DNAJB6: variants seen among roughly 807,000 people sequenced by gnomAD.
DNAJB6 encodes dnaJ homolog subfamily B member 6.
DNAJB6 carries 16 observed loss-of-function variants against 42.7 expected under a neutral mutation model. The observed-to-expected ratio is 0.37, with a 90% CI of 0.25 to 0.57. The LOEUF (loss-of-function observed/expected upper bound fraction) is 0.57, where lower values mean the gene tolerates loss of function less well. Among genes scored for constraint, DNAJB6 ranks in the 20% least tolerant of loss-of-function variants. The pLI is 0.74. For synonymous variants in DNAJB6, 170 were observed against 163.5 expected, an observed-to-expected ratio of 1.04 and a Z score of -0.30; for missense variants, 347 against 416.8, an observed-to-expected ratio of 0.83 and a Z score of 1.46.
chr7:157,342,099 C>G (rs542379369), intron 1 of DNAJB6, among the ~76,000 whole-genome samples: 3 of 152,198 alleles, frequency 2.0e-5, no homozygotes, highest in South Asian at 4.2e-4. Context: ...AGCAGGTGAT[C>G]CACCTGCTTT....
intron 8 of DNAJB6, among the ~76,000 whole-genome samples, chr7:157,393,140 A>T (rs1282906658): frequency 6.6e-6 from 1 of 151,692 alleles, no homozygotes; most frequent in Admixed American, 6.6e-5. Context: ...CCCCTGGCTA[A>T]TTTTTTTGTA....
At chr7:157,350,703 T>TA (rs1798926587) in intron 1 of DNAJB6, among the ~76,000 whole-genome samples, 1 of 151,756 alleles carries the variant, frequency 6.6e-6, no homozygotes, top group Non-Finnish European at 1.5e-5. Context: ...TTTTTATTTT[T>TA]TTTTGAGATG....
chr7:157,343,074 C>T (rs913848319), intron 1 of DNAJB6, among the ~76,000 whole-genome samples: 3 of 151,778 alleles, frequency 2.0e-5, no homozygotes, highest in South Asian at 2.1e-4. Context: ...TCACTGCAAC[C>T]TTTGCCTCCC....
intron 8 of DNAJB6, among the ~76,000 whole-genome samples, chr7:157,406,313 A>G (rs987061086): frequency 1.3e-5 from 2 of 152,190 alleles, no homozygotes; most frequent in East Asian, 1.9e-4. Context: ...CTCCACCTTC[A>G]TCTTCTTTCC....
chr7:157,347,878 C>CTCTGCCTCCCGGGCTCAAGCGATTCT (rs1366082990), intron 1 of DNAJB6, among the ~76,000 whole-genome samples: 17 of 152,206 alleles, frequency 1.1e-4, no homozygotes, highest in African/African-American at 3.9e-4. Context: ...TTACTCCAAC[C>CTCTGCCTCCCGGGCTCAAGCGATTCT]TCTGCCTCCC....
chr7:157,370,181 C>CAGGCCCCTTCTTAACATTATTATTAAAG (rs1800120798), intron 5 of DNAJB6, among the ~76,000 whole-genome samples: 3 of 144,658 alleles, frequency 2.1e-5, no homozygotes, highest in South Asian at 2.2e-4. Context: ...TATTATTAAA[C>CAGGCCCCTTCTTAACATTATTATTAAAG]AGGCCCCTTC....
At chr7:157,346,316 T>TAAAGAAA (rs1798683275) in intron 1 of DNAJB6, among the ~76,000 whole-genome samples, 1 of 117,732 alleles carries the variant, frequency 8.5e-6, no homozygotes. Flanking sequence ...CAAGGAGTAG[T>TAAAGAAA]AAAAAAAAAA....
chr7:157,360,058 G>T (rs547600933), intron 2 of DNAJB6, among the ~76,000 whole-genome samples: 1 of 152,326 alleles, frequency 6.6e-6, no homozygotes, highest in African/African-American at 2.4e-5. Flanking sequence ...AGACAGTTGG[G>T]AATACCTTAC....
chr7:157,340,498 C>T (rs1048924889), intron 1 of DNAJB6, among the ~76,000 whole-genome samples: 3 of 151,456 alleles, frequency 2.0e-5, no homozygotes, highest in Middle Eastern at 3.2e-3. Context: ...AAAACGACAA[C>T]GCCTACCTGC....
At position 157,357,252 on chromosome 7, in the gene DNAJB6, T is replaced by TTCCTTCCTTCCG. The variant is rs1404472904; in HGVS notation, c.-26-1259_-26-1248dup. Among the ~76,000 whole-genome samples the TTCCTTCCTTCCG allele has an allele frequency of 3.5e-4, 23 of 66,206 alleles. 5 individuals are homozygous for TTCCTTCCTTCCG. The highest frequency in any genetic ancestry group is 9.0e-4 in the African/African-American group (19 of 21,134). The allele number at this position is 66,206 out of a possible 152,430, so 43.4% of individuals were successfully genotyped here. A position where few individuals can be genotyped will look rare whatever the true frequency, so the allele number is the denominator to read the frequency against. On this transcript the variant is annotated intron_variant, in intron 1 of 9. Coordinates refer to ENST00000262177, the MANE Select transcript of DNAJB6 (RefSeq NM_058246.4). ...CTTCCTTCCTTCCTTCCTTCCTTCC[T>TTCCTTCCTTCCG]TCCTTCCTTCCGTCCTTCCTTCCGT...
chr7:157,408,484 C>T (rs1410088892), intron 8 of DNAJB6, among the ~76,000 whole-genome samples: 4 of 152,176 alleles, frequency 2.6e-5, no homozygotes, highest in Non-Finnish European at 1.5e-5. Context: ...CTGCGAGTTG[C>T]CCAGGTCTTG....
chr7:157,361,609 C>T (rs1194603149), intron 2 of DNAJB6, among the ~76,000 whole-genome samples: 1 of 152,194 alleles, frequency 6.6e-6, no homozygotes, highest in African/African-American at 2.4e-5. Flanking sequence ...AATAACTTGC[C>T]TAGTGTTAAA....
At chr7:157,386,062 A>G (rs186070488) in intron 8 of DNAJB6, 119 of 986,594 alleles carry the variant, frequency 1.2e-4, no homozygotes, top group African/African-American at 9.8e-4. Context: ...AATAATTTCA[A>G]TTTTTTTCAG....
At chr7:157,402,128 T>C (rs2117175347) in intron 8 of DNAJB6, among the ~76,000 whole-genome samples, 1 of 152,342 alleles carries the variant, frequency 6.6e-6, no homozygotes, top group African/African-American at 2.4e-5. Flanking sequence ...CCTCGTTGTA[T>C]TTTCTTATTT....
At chr7:157,368,561 A>G (rs1168346048) in intron 5 of DNAJB6, 1 of 152,332 alleles carries the variant, frequency 6.6e-6, no homozygotes, top group African/African-American at 2.4e-5. Context: ...TGGATTTCTC[A>G]TCAGTGGCAT....
At chr7:157,365,767 C>T (rs924065850) in intron 3 of DNAJB6, among the ~76,000 whole-genome samples, 8 of 152,132 alleles carry the variant, frequency 5.3e-5, no homozygotes, top group African/African-American at 1.9e-4. Context: ...TGGGTTCAAG[C>T]GATTCTCCTG....
chr7:157,354,082 T>C (rs1170130296), intron 1 of DNAJB6, among the ~76,000 whole-genome samples: 1 of 152,256 alleles, frequency 6.6e-6, no homozygotes, highest in Non-Finnish European at 1.5e-5. Context: ...GCTGGTTTTG[T>C]CCAGGGCAGG....
At chr7:157,371,446 C>A (rs1374752008) in intron 5 of DNAJB6, among the ~76,000 whole-genome samples, 1 of 152,242 alleles carries the variant, frequency 6.6e-6, no homozygotes, top group Non-Finnish European at 1.5e-5. Flanking sequence ...TGTGCCTGAG[C>A]ACCAGGCAGT....
chr7:157,384,299 A>G (rs1800939349), intron 6 of DNAJB6, among the ~76,000 whole-genome samples: 2 of 152,178 alleles, frequency 1.3e-5, no homozygotes, highest in African/African-American at 2.4e-5. Flanking sequence ...TAGTTTTTTA[A>G]TAATTTAGAT....
Sources: gnomAD v4.1 joint callset for allele counts (sites outside exome capture counted in the v4.1 genomes callset) on GRCh38, gnomAD v4.1.1 for gene constraint, MANE v1.5 for transcripts, NCBI Gene and HGNC (gene_info 2026-07-23, HGNC 2026-07-21) for gene names.